PDE6C: variants seen among roughly 807,000 people sequenced by gnomAD.
PDE6C encodes cone cGMP-specific 3',5'-cyclic phosphodiesterase subunit alpha'.
In PDE6C, 75 loss-of-function variants were observed where a neutral mutation model predicts 113.1. The observed-to-expected ratio is 0.66, with a 90% CI of 0.55 to 0.80. The LOEUF is 0.80. Ranked by LOEUF, PDE6C falls within the 30% of genes least tolerant of loss-of-function variation. PDE6C has a pLI of 0.00. For synonymous variants in PDE6C, 375 were observed against 363.7 expected, an observed-to-expected ratio of 1.03 and a Z score of -0.35; for missense variants, 912 against 1,038.6, an observed-to-expected ratio of 0.88 and a Z score of 1.67.
chr10:93,614,181 G>A (rs997362166), intron 1 of PDE6C, among the ~76,000 whole-genome samples: 27 of 152,176 alleles, frequency 1.8e-4, no homozygotes, highest in African/African-American at 6.5e-4. Flanking sequence ...AGTTGAATGG[G>A]AACAACTTGT....
Position 93,645,950 on chromosome 10 carries a change from T to C in PDE6C, c.1848-10T>C, listed in dbSNP as rs1313265504. ...ACAGCTAGAATCATGGCATGTTGTT[T>C]TCCTTCTAGATCCACGTCTCCATTA... On this transcript the variant is annotated splice_polypyrimidine_tract_variant and intron_variant, in intron 14 of 21. Coordinates refer to ENST00000371447, the MANE Select transcript of PDE6C (RefSeq NM_006204.4). 23 of 1,553,248 alleles carry C rather than the reference T, an allele frequency of 1.5e-5. No homozygotes were observed. In the Admixed American group the frequency reaches 3.8e-4, roughly 26 times the overall value.
intron 15 of PDE6C, among the ~76,000 whole-genome samples, chr10:93,652,825 A>G (rs969386841): frequency 5.3e-5 from 8 of 152,330 alleles, no homozygotes; most frequent in African/African-American, 1.7e-4. Flanking sequence ...TTTGTTGTAG[A>G]TTATATACTC....
rs750031200 is a variant in PDE6C, at chr10:93,640,109, G to A, written c.1522G>A (p.Glu508Lys). ...LPDPRSAELY[E>K]FRFSDFPLTE... ...AGACCCACGCTCAGCAGAACTGTACGAATTCCGCTTCAGTGACTTCCCCCT... is the reference window on the plus strand; with the variant it reads ...AGACCCACGCTCAGCAGAACTGTACAAATTCCGCTTCAGTGACTTCCCCCT... Residue 508 changes from glutamate (E) to lysine (K), a missense_variant, in exon 12 of 22, where the codon GAA becomes AAA. Coordinates refer to ENST00000371447, the MANE Select transcript of PDE6C (RefSeq NM_006204.4). 18 of 1,613,964 alleles carry A rather than the reference G, an allele frequency of 1.1e-5. No individual in the cohort carries two copies. The highest frequency in any genetic ancestry group is 1.5e-5 in the Non-Finnish European group (18 of 1,179,856).
intron 3 of PDE6C, among the ~76,000 whole-genome samples, chr10:93,621,555 G>A (rs1159960751): frequency 6.6e-6 from 1 of 152,148 alleles, no homozygotes; most frequent in Non-Finnish European, 1.5e-5. Context: ...CAGGATGCAT[G>A]GAAGGAGGTA....
At chr10:93,633,789 C>T (rs1370643873) in intron 8 of PDE6C, among the ~76,000 whole-genome samples, 1 of 152,144 alleles carries the variant, frequency 6.6e-6, no homozygotes, top group Non-Finnish European at 1.5e-5. Flanking sequence ...ATTAGCTAAA[C>T]AGGTGTTAGA....
chr10:93,625,279 G>A (rs374982904), intron 4 of PDE6C, among the ~76,000 whole-genome samples: 5 of 152,146 alleles, frequency 3.3e-5, no homozygotes, highest in African/African-American at 9.7e-5. Context: ...TATACATTGA[G>A]TATTTTGAAC....
rs1288230405 is a variant in PDE6C, at chr10:93,642,138, G to A, written c.1847+1109G>A. Among the ~76,000 whole-genome samples, 6 of 152,256 alleles carry A rather than the reference G, an allele frequency of 3.9e-5. No homozygotes were observed. The South Asian group carries it at 1.2e-3, about 32-fold the overall frequency. ...CCCAGCACTTTGGGAGGCTGAGGAG[G>A]GCAGATCACGAGGTCAGGAGTTGGA... On this transcript the variant is annotated intron_variant, in intron 14 of 21. Coordinates refer to ENST00000371447, the MANE Select transcript of PDE6C (RefSeq NM_006204.4).
chr10:93,616,652 CTTTT>C (rs11418985), intron 1 of PDE6C, among the ~76,000 whole-genome samples: 4 of 118,482 alleles, frequency 3.4e-5, no homozygotes, highest in African/African-American at 1.3e-4. Context: ...GGCAGGAAGA[CTTTT>C]TTTTTTTTTT....
At chr10:93,621,009 A>G (rs376920187) in intron 3 of PDE6C, 29 bp downstream of exon 3, 38 of 1,572,694 alleles carry the variant, frequency 2.4e-5, no homozygotes, top group Non-Finnish European at 3.0e-5. Context: ...TAGTCATTCC[A>G]TGCTGACCTA....
chr10:93,630,315 T>C (rs1444237143), intron 8 of PDE6C, among the ~76,000 whole-genome samples: 1 of 151,386 alleles, frequency 6.6e-6, no homozygotes, highest in Non-Finnish European at 1.5e-5. Flanking sequence ...CAGACCCGAG[T>C]TGATCCCTCC....
chr10:93,634,006 T>TAAC (rs1003011543), intron 8 of PDE6C, among the ~76,000 whole-genome samples: 1 of 152,082 alleles, frequency 6.6e-6, no homozygotes, highest in Non-Finnish European at 1.5e-5. Context: ...ATTGCACATC[T>TAAC]AACACCAAAA....
At chr10:93,662,345 C>G (rs1038053091) in intron 19 of PDE6C, among the ~76,000 whole-genome samples, 1 of 151,504 alleles carries the variant, frequency 6.6e-6, no homozygotes, top group Non-Finnish European at 1.5e-5. Context: ...TGCCTGTAGT[C>G]CCAGCCACTC....
At chr10:93,657,328 A>ATTTTTTTTTTT (rs71031526) in intron 16 of PDE6C, among the ~76,000 whole-genome samples, 3 of 88,286 alleles carry the variant, frequency 3.4e-5, no homozygotes, top group Admixed American at 1.6e-4. Flanking sequence ...CGCCTGGCTA[A>ATTTTTTTTTTT]TTTTTTTTTT....
intron 18 of PDE6C, among the ~76,000 whole-genome samples, chr10:93,660,034 C>A (rs1313929287): frequency 1.3e-5 from 2 of 152,082 alleles, no homozygotes; most frequent in Non-Finnish European, 2.9e-5. Flanking sequence ...TTCCTTTTTC[C>A]TCCAGTAATT....
intron 10 of PDE6C, among the ~76,000 whole-genome samples, chr10:93,636,300 C>G (rs1360979369): frequency 6.6e-6 from 1 of 151,724 alleles, no homozygotes; most frequent in African/African-American, 2.4e-5. Context: ...TAACCATGTT[C>G]TAATCACCAC....
intron 9 of PDE6C, 70 bp from the exon 10 acceptor site, chr10:93,635,427 G>A (rs1589697997): frequency 8.5e-7 from 1 of 1,176,606 alleles, no homozygotes; most frequent in Non-Finnish European, 1.3e-6. Flanking sequence ...AGAAAAGCGT[G>A]CAGATTGTTG....
At chr10:93,655,996 A>G in intron 16 of PDE6C, 136 bp downstream of exon 16, 1 of 713,408 alleles carries the variant, frequency 1.4e-6, no homozygotes, top group Non-Finnish European at 2.6e-6. Flanking sequence ...ACACACATAC[A>G]CACAAAATTT....
At chr10:93,659,201 T>C in intron 18 of PDE6C, 34 bp downstream of exon 18, 1 of 1,374,316 alleles carries the variant, frequency 7.3e-7, no homozygotes, top group Non-Finnish European at 1.0e-6. Context: ...TCTGTCACAC[T>C]GTCAGGTACT....
At chr10:93,618,944 G>A (rs957044629) in intron 1 of PDE6C, among the ~76,000 whole-genome samples, 22 of 152,116 alleles carry the variant, frequency 1.4e-4, no homozygotes, top group Non-Finnish European at 2.9e-4. Flanking sequence ...GCCAACACAG[G>A]GAAATGAAAA....
Sources: gnomAD v4.1 joint callset for allele counts (sites outside exome capture counted in the v4.1 genomes callset) on GRCh38, gnomAD v4.1.1 for gene constraint, MANE v1.5 for transcripts, NCBI Gene and HGNC (gene_info 2026-07-23, HGNC 2026-07-21) for gene names.